Variants in SLC34A2 observed in about 807,000 individuals in gnomAD.
The protein encoded by SLC34A2 is sodium-dependent phosphate transport protein 2B.
Under a neutral mutation model 50.8 loss-of-function variants are expected in SLC34A2, and 41 were observed. That is an observed-to-expected ratio of 0.81 (90% confidence interval 0.63 to 1.05). The LOEUF is 1.05. Among genes scored for constraint, SLC34A2 ranks in the 50% least tolerant of loss-of-function variants. The pLI is 0.00. For missense variants in SLC34A2, 879 were observed against 876.7 expected (o/e 1.00, Z -0.03); for synonymous variants, 401 against 364.2 (o/e 1.10, Z -1.15).
In SLC34A2 at chr4:25,676,414, C is replaced by A. The variant is rs763437727; in HGVS notation, c.1738C>A (p.Pro580Thr). 3 of 1,614,000 alleles carry A rather than the reference C, an allele frequency of 1.9e-6. No homozygotes were observed. In the Admixed American group the frequency reaches 5.0e-5, roughly 27 times the overall value. ...LCLRLLQSRC[P>T]RVLPKKLQNW... ...CCTCCGACTCCTGCAGTCTCGCTGC[C>A]CACGCGTCCTGCCGAAGAAACTCCA... Residue 580 changes from proline (P) to threonine (T), a missense_variant, in exon 13 of 13, where the codon CCA (proline) becomes ACA (threonine). Pro to Thr is a conservative substitution (Grantham distance 38, BLOSUM62 -1). Transcript: ENST00000382051.
chr4:25,671,855 AG>A (rs2109058315), intron 9 of SLC34A2, 134 bp downstream of exon 9: 1 of 1,240,958 alleles, frequency 8.1e-7, no homozygotes, highest in Non-Finnish European at 1.2e-6. Context: ...TCAAGCAGTG[AG>A]CAACATGCTT....
At position 25,671,554 on chromosome 4, in the gene SLC34A2, C is replaced by T. The variant is rs1374876557; in HGVS notation, c.928-47C>T. 4 of 1,613,746 alleles carry T rather than the reference C, an allele frequency of 2.5e-6. No individual in the cohort carries two copies. In the South Asian group the frequency reaches 4.4e-5, roughly 18 times the overall value. ...CCACCCCCGCCATTGCCTCCCATTCCCCACTAAAAGCCAGTGTTGTGGGCA... is the reference window on the plus strand; with the variant it reads ...CCACCCCCGCCATTGCCTCCCATTCTCCACTAAAAGCCAGTGTTGTGGGCA... On this transcript the variant is annotated intron_variant, in intron 8 of 12. Coordinates refer to ENST00000382051, the MANE Select transcript of SLC34A2 (RefSeq NM_006424.3).
intron 1 of SLC34A2, among the ~76,000 whole-genome samples, chr4:25,661,149 C>T (rs891312046): frequency 2.0e-5 from 3 of 152,206 alleles, no homozygotes; most frequent in African/African-American, 7.2e-5. Flanking sequence ...TGGATGCCTC[C>T]TCAATGCCAG....
intron 1 of SLC34A2, among the ~76,000 whole-genome samples, chr4:25,662,091 C>T (rs1324505285): frequency 6.6e-6 from 1 of 152,146 alleles, no homozygotes; most frequent in African/African-American, 2.4e-5. Flanking sequence ...AGGCTGGTCT[C>T]AAACTCCTGA....
At chr4:25,664,782 C>A (rs1292460996) in intron 4 of SLC34A2, 1 of 261,284 alleles carries the variant, frequency 3.8e-6, no homozygotes. Context: ...ACCTTCACAG[C>A]CCTTAGGGCT....
At chr4:25,671,545 C>T (rs780500665) in intron 8 of SLC34A2, 56 bp from the exon 9 acceptor site, 5 of 1,613,608 alleles carry the variant, frequency 3.1e-6, no homozygotes, top group South Asian at 2.2e-5. Flanking sequence ...CCGCCATTGC[C>T]TCCCATTCCC....
chr4:25,662,641 G>C (rs1202873988), intron 2 of SLC34A2, 29 bp downstream of exon 2: 9 of 1,613,832 alleles, frequency 5.6e-6, no homozygotes. Context: ...TCTGCAGATC[G>C]GCCTTTGTGA....
At chr4:25,665,230 G>A (rs1714432309) in intron 4 of SLC34A2, 1 of 177,880 alleles carries the variant, frequency 5.6e-6, no homozygotes, top group Non-Finnish European at 1.2e-5. Context: ...GCATTGGCGT[G>A]ATCTCAGCTC....
rs548315834 is a variant in SLC34A2, at chr4:25,676,628, C to G, written c.1952C>G (p.Ala651Gly). The G allele has an allele frequency of 6.2e-7, 1 of 1,614,016 alleles. No individual in the cohort carries two copies. The highest frequency in any genetic ancestry group is 1.1e-5 in the South Asian group (1 of 91,084). ...AAGTGCTGCGAGGACTTGGAGGAGG[C>G]GCAGGAGGGGCAGGATGTCCCTGTC... ...CSKCCEDLEE[A>G]QEGQDVPVKA... is the part of the protein sequence containing the mutation. Residue 651 changes from alanine (A) to glycine (G), a missense_variant, in exon 13 of 13, where the codon GCG (alanine) becomes GGG (glycine). By Grantham distance (60) the Ala-to-Gly change is moderately conservative (BLOSUM62 0). Transcript: ENST00000382051.
At chr4:25,657,252 C>T (rs373065354) in intron 1 of SLC34A2, among the ~76,000 whole-genome samples, 2 of 152,102 alleles carry the variant, frequency 1.3e-5, no homozygotes, top group African/African-American at 4.8e-5. Context: ...GAATTCAATG[C>T]AATGAGGAAA....
rs987159045 is a variant in SLC34A2, at chr4:25,676,938, A to G, written c.*189A>G. 4.4e-6 allele frequency: 3 copies of G among 674,188 alleles called. No homozygotes were observed. In the Admixed American group the frequency reaches 7.9e-5, roughly 18 times the overall value. 41.8% of individuals were successfully genotyped at this position (674,188 alleles called of 1,614,324 possible). A position where few individuals can be genotyped will look rare whatever the true frequency, so the allele number is the denominator to read the frequency against. On this transcript the variant is annotated 3_prime_UTR_variant, in exon 13 of 13. Coordinates refer to ENST00000382051, the MANE Select transcript of SLC34A2 (RefSeq NM_006424.3). The stretch of plus-strand genomic sequence containing the variant: ...AGGCCTGCAGGGCACTTTTATTCCA[A>G]CCCCTGGTCACTCAGTAATCTTTTA...
intron 7 of SLC34A2, 37 bp from the exon 8 acceptor site, chr4:25,670,701 G>A (rs1186236307): frequency 6.5e-7 from 1 of 1,531,886 alleles, no homozygotes; most frequent in Non-Finnish European, 9.0e-7. Context: ...TCGGTTCTGA[G>A]GATATGCTGA....
intron 1 of SLC34A2, among the ~76,000 whole-genome samples, 171 bp downstream of exon 1, chr4:25,656,061 T>G (rs1055243359): frequency 6.6e-6 from 1 of 152,260 alleles, no homozygotes; most frequent in African/African-American, 2.4e-5. Flanking sequence ...TTCTTCTTAA[T>G]GTTACGGTTA....
intron 3 of SLC34A2, 118 bp downstream of exon 3, chr4:25,662,960 G>A: frequency 1.7e-6 from 2 of 1,211,848 alleles, no homozygotes; most frequent in Non-Finnish European, 2.3e-6. Context: ...AAGGGTCCTG[G>A]CTAGGGATGT....
intron 1 of SLC34A2, among the ~76,000 whole-genome samples, chr4:25,661,568 A>T (rs1420627742): frequency 2.0e-5 from 3 of 151,960 alleles, no homozygotes; most frequent in African/African-American, 7.3e-5. Flanking sequence ...TTGTATTTTT[A>T]GTAGAGACAG....
chr4:25,660,276 G>C (rs1454921157), intron 1 of SLC34A2, among the ~76,000 whole-genome samples: 1 of 152,182 alleles, frequency 6.6e-6, no homozygotes, highest in African/African-American at 2.4e-5. Context: ...GTGGACTCAG[G>C]CTCTAAGAAG....
intron 3 of SLC34A2, 62 bp downstream of exon 3, chr4:25,662,904 A>C (rs1714286293): frequency 1.3e-6 from 2 of 1,586,318 alleles, no homozygotes; most frequent in East Asian, 4.5e-5. Context: ...CGGTGTCATC[A>C]TCCTCCTGTC....
intron 6 of SLC34A2, 149 bp from the exon 7 acceptor site, chr4:25,669,498 T>G: frequency 1.3e-6 from 1 of 781,724 alleles, no homozygotes; most frequent in Non-Finnish European, 2.3e-6. Flanking sequence ...GGGATCGATA[T>G]GAGAGAACAA....
chr4:25,659,086 C>T (rs1174438922), intron 1 of SLC34A2, among the ~76,000 whole-genome samples: 1 of 152,066 alleles, frequency 6.6e-6, no homozygotes, highest in Non-Finnish European at 1.5e-5. Context: ...CCTGGGTGCC[C>T]TGGTGCTTTG....
Sources: gnomAD v4.1 joint callset for allele counts (sites outside exome capture counted in the v4.1 genomes callset) on GRCh38, gnomAD v4.1.1 for gene constraint, MANE v1.5 for transcripts, NCBI Gene and HGNC (gene_info 2026-07-23, HGNC 2026-07-21) for gene names.